Variants in SSBP3 observed in about 807,000 individuals in gnomAD.
SSBP3 encodes single stranded DNA binding protein 3, also known as single-stranded DNA-binding protein 3.
In SSBP3, 5 loss-of-function variants were observed where a neutral mutation model predicts 69.6. The observed-to-expected ratio is 0.07, with a 90% CI of 0.04 to 0.15. The LOEUF is 0.15. Ranked by LOEUF, SSBP3 falls within the 10% of genes least tolerant of loss-of-function variation. The pLI is 1.00. For synonymous variants in SSBP3, 196 were observed against 193.4 expected (o/e 1.01, Z -0.11); for missense variants, 312 against 534.0 (o/e 0.58, Z 4.10).
chr1:54,295,723 C>T (rs1403983455), intron 4 of SSBP3, among the ~76,000 whole-genome samples: 1 of 152,216 alleles, frequency 6.6e-6, no homozygotes, highest in East Asian at 1.9e-4. Context: ...TCCAACCTCC[C>T]CCTTTTCTCG....
At chr1:54,318,054 C>T (rs1054006050) in intron 4 of SSBP3, among the ~76,000 whole-genome samples, 8 of 152,230 alleles carry the variant, frequency 5.3e-5, no homozygotes, top group African/African-American at 9.6e-5. Context: ...AGGCGTGAGC[C>T]ACTGCGCCCG....
At chr1:54,242,345 CTTCT>C in intron 10 of SSBP3, 133 bp from the exon 11 acceptor site, 1 of 997,414 alleles carries the variant, frequency 1.0e-6, no homozygotes, top group Non-Finnish European at 1.5e-6. Flanking sequence ...GGTTTAGAGC[CTTCT>C]GGCTCAGGGC....
chr1:54,234,190 A>C (rs572470405), intron 14 of SSBP3, among the ~76,000 whole-genome samples: 8 of 151,106 alleles, frequency 5.3e-5, no homozygotes, highest in African/African-American at 1.2e-4. Flanking sequence ...ATCTCAAGTA[A>C]TCAGGGACAC....
chr1:54,412,704 A>G (rs1274478990), intron 1 of SSBP3: 1 of 152,156 alleles, frequency 6.6e-6, no homozygotes, highest in Non-Finnish European at 1.5e-5. Flanking sequence ...AAATTTTGTT[A>G]TATATATTTT....
chr1:54,408,682 A>G (rs1649913666), upstream of SSBP3, among the ~76,000 whole-genome samples: 1 of 152,206 alleles, frequency 6.6e-6, no homozygotes, highest in Non-Finnish European at 1.5e-5. Context: ...TAGAAGATAT[A>G]CAGTATCTCT....
chr1:54,256,073 T>G (rs2100738038), intron 7 of SSBP3, among the ~76,000 whole-genome samples: 1 of 150,708 alleles, frequency 6.6e-6, no homozygotes, highest in Non-Finnish European at 1.5e-5. Flanking sequence ...GAGACTCCGG[T>G]TAAAAAAAAA....
At chr1:54,248,397 C>T (rs528234779) in intron 9 of SSBP3, among the ~76,000 whole-genome samples, 5 of 152,330 alleles carry the variant, frequency 3.3e-5, no homozygotes, top group South Asian at 2.1e-4. Flanking sequence ...GCTGCTATTT[C>T]GCCCACCCTC....
intron 4 of SSBP3, among the ~76,000 whole-genome samples, chr1:54,314,584 A>T (rs1646062495): frequency 6.6e-6 from 1 of 152,248 alleles, no homozygotes; most frequent in Admixed American, 6.5e-5. Context: ...TAAATGGATG[A>T]GCAGTTAGTT....
chr1:54,226,891 G>C (rs1349796172), exon 18 of SSBP3: 2 of 538,998 alleles, frequency 3.7e-6, no homozygotes, highest in East Asian at 6.8e-5. Context: ...TCACTGACTT[G>C]AAATACATTT....
chr1:54,227,089 G>A (rs755282816), exon 18 of SSBP3: 26 of 1,549,304 alleles, frequency 1.7e-5, no homozygotes, highest in South Asian at 6.7e-5. Flanking sequence ...GCATCTTCCC[G>A]CCTGCAATGC....
chr1:54,259,189 G>A (rs1407710241), intron 5 of SSBP3, among the ~76,000 whole-genome samples: 1 of 151,876 alleles, frequency 6.6e-6, no homozygotes, highest in Non-Finnish European at 1.5e-5. Flanking sequence ...GAAGACATGG[G>A]CAGATGAATT....
chr1:54,324,856 G>A (rs867169218), intron 4 of SSBP3, among the ~76,000 whole-genome samples: 8 of 152,190 alleles, frequency 5.3e-5, no homozygotes, highest in African/African-American at 1.9e-4. Context: ...GTGGTTTCTG[G>A]AGGGTGGTTT....
Position 54,301,854 on chromosome 1 carries a change from G to A in SSBP3, c.277-20327C>T, listed in dbSNP as rs544437146. ...GCTCCCGGGGCCACCCCTGCTCCCAGGCACCCACAGGCTCTGCCTTCATCT... is the reference window on the plus strand; with the variant it reads ...GCTCCCGGGGCCACCCCTGCTCCCAAGCACCCACAGGCTCTGCCTTCATCT... On this transcript the variant is annotated intron_variant, in intron 4 of 17. Transcript: ENST00000610401. Among the ~76,000 whole-genome samples, 15 of 152,316 alleles carry A rather than the reference G, an allele frequency of 9.8e-5. No individual in the cohort carries two copies. The South Asian group carries it at 1.2e-3, about 13-fold the overall frequency.
intron 4 of SSBP3, among the ~76,000 whole-genome samples, chr1:54,362,002 G>A (rs1423004959): frequency 6.6e-6 from 1 of 152,216 alleles, no homozygotes; most frequent in African/African-American, 2.4e-5. Context: ...AGGAAGGAGA[G>A]GTATTAAAGA....
intron 13 of SSBP3, among the ~76,000 whole-genome samples, chr1:54,240,218 G>A (rs1209286749): frequency 1.3e-5 from 2 of 151,938 alleles, no homozygotes; most frequent in East Asian, 1.9e-4. Flanking sequence ...CAGCACTTTG[G>A]GAGGCTGAGG....
At chr1:54,351,808 A>G (rs1245614933) in intron 4 of SSBP3, among the ~76,000 whole-genome samples, 3 of 152,132 alleles carry the variant, frequency 2.0e-5, no homozygotes, top group Non-Finnish European at 2.9e-5. Context: ...CTGTAGAAAC[A>G]TCCCCAGTGC....
chr1:54,289,045 CAAAAAAAA>C, intron 4 of SSBP3, among the ~76,000 whole-genome samples: 1 of 41,140 alleles, frequency 2.4e-5, no homozygotes, highest in African/African-American at 1.3e-4. Flanking sequence ...AACAAAAAAA[CAAAAAAAA>C]AAAACAGTAA....
intron 4 of SSBP3, among the ~76,000 whole-genome samples, chr1:54,316,670 AAATAAATAAATAAAT>A (rs1646113956): frequency 6.5e-5 from 3 of 46,492 alleles, no homozygotes; most frequent in African/African-American, 4.2e-4. Context: ...TAAAATAAAT[AAATAAATAAATAAAT>A]AAATAAATAA....
Position 54,257,109 on chromosome 1 carries a change from C to G in SSBP3, c.507+18G>C. 2 of 1,595,906 alleles carry G rather than the reference C, an allele frequency of 1.3e-6. No homozygotes were observed. The highest frequency in any genetic ancestry group is 1.1e-5 in the South Asian group (1 of 87,080). On this transcript the variant is annotated intron_variant, in intron 7 of 17. Transcript: ENST00000610401. ...GATGGCTGAGGGAGGGGAGAGAGAA[C>G]ATGAAAAGGTACAGTACCTGGTTTC...
Sources: allele counts gnomAD v4.1 joint callset (sites outside exome capture counted in the v4.1 genomes callset), GRCh38; gene constraint gnomAD v4.1.1; transcripts MANE v1.5; gene names NCBI Gene and HGNC (gene_info 2026-07-23, HGNC 2026-07-21).